KLF8: variants seen among roughly 807,000 people sequenced by gnomAD.
The protein encoded by KLF8 is Krueppel-like factor 8.
KLF8 carries 10 observed loss-of-function variants against 18.2 expected under a neutral mutation model. That is an observed-to-expected ratio of 0.55 (90% CI 0.34 to 0.93). The LOEUF is 0.93. Among genes scored for constraint, KLF8 ranks in the 40% least tolerant of loss-of-function variants. The pLI is 0.02. For missense variants in KLF8, 264 were observed against 277.9 expected (o/e 0.95, Z 0.36); for synonymous variants, 109 against 97.3 (o/e 1.12, Z -0.71).
the KLF8 span, among the ~76,000 whole-genome samples, chrX:56,050,446 C>T: frequency 2.7e-5 from 3 of 111,796 alleles, no homozygotes; most frequent in African/African-American, 6.5e-5. Context: ...TGAATGTGTC[C>T]CAGAGATTCT....
intron 5 of KLF8, among the ~76,000 whole-genome samples, chrX:56,278,338 G>A (rs930410313): frequency 3.6e-5 from 4 of 110,705 alleles, no homozygotes; most frequent in Non-Finnish European, 7.6e-5. Flanking sequence ...TGGTTATTCG[G>A]GGACCAAGGG....
chrX:56,080,866 C>T, the KLF8 span, among the ~76,000 whole-genome samples: 8 of 110,610 alleles, frequency 7.2e-5, no homozygotes, highest in Non-Finnish European at 1.5e-4. Context: ...TCTTTTTTCT[C>T]TAAACTTCCC....
At chrX:56,201,351 A>G in the KLF8 span, among the ~76,000 whole-genome samples, 1 of 112,087 alleles carries the variant, frequency 8.9e-6, no homozygotes, top group Non-Finnish European at 1.9e-5. Context: ...TGTTAAATAA[A>G]CCAGGCAAAG....
chrX:56,033,633 C>T, the KLF8 span, among the ~76,000 whole-genome samples: 1 of 111,699 alleles, frequency 9.0e-6, no homozygotes, highest in Non-Finnish European at 1.9e-5. Context: ...ATTCACATTC[C>T]CACCAACAGT....
chrX:56,155,427 G>T, the KLF8 span, among the ~76,000 whole-genome samples: 1 of 110,487 alleles, frequency 9.1e-6, no homozygotes, highest in Non-Finnish European at 1.9e-5. Flanking sequence ...GACACAGGAA[G>T]GGGGACATCA....
the KLF8 span, among the ~76,000 whole-genome samples, chrX:55,999,285 A>AT: frequency 1.8e-3 from 61 of 33,566 alleles, 4 homozygotes; most frequent in East Asian, 0.017. Flanking sequence ...ATGCCTCCAG[A>AT]TTTTTTTTTT....
chrX:56,276,164 C>G (rs772396974), intron 5 of KLF8, among the ~76,000 whole-genome samples: 2 of 107,612 alleles, frequency 1.9e-5, no homozygotes, highest in Non-Finnish European at 3.9e-5. Context: ...CCCCCGAAAC[C>G]AAGTCTCACT....
the KLF8 span, among the ~76,000 whole-genome samples, chrX:56,097,900 C>T: frequency 9.2e-6 from 1 of 109,154 alleles, no homozygotes; most frequent in Non-Finnish European, 1.9e-5. Context: ...TTGCTCTTAC[C>T]ACTCCTATTC....
the KLF8 span, among the ~76,000 whole-genome samples, chrX:56,086,312 G>A: frequency 9.0e-6 from 1 of 111,343 alleles, no homozygotes; most frequent in African/African-American, 3.3e-5. Context: ...TTCCAATCTG[G>A]CCTTAGTGAC....
the KLF8 span, among the ~76,000 whole-genome samples, chrX:55,946,805 C>A: frequency 3.6e-5 from 4 of 110,963 alleles, no homozygotes; most frequent in African/African-American, 1.3e-4. Context: ...AAACAAACAA[C>A]CCCATCAAAA....
the KLF8 span, among the ~76,000 whole-genome samples, chrX:55,956,455 G>T: frequency 5.4e-5 from 6 of 111,123 alleles, no homozygotes; most frequent in East Asian, 2.8e-4. Flanking sequence ...CATTATTTTT[G>T]ATTTTGGGCA....
chrX:56,196,913 A>C, the KLF8 span, among the ~76,000 whole-genome samples: 1 of 112,107 alleles, frequency 8.9e-6, no homozygotes, highest in Middle Eastern at 4.2e-3. Context: ...GCACAGTGCA[A>C]TCAAATTAGA....
chrX:56,183,777 G>A, the KLF8 span, among the ~76,000 whole-genome samples: 4 of 111,955 alleles, frequency 3.6e-5, no homozygotes, highest in African/African-American at 6.5e-5. Context: ...TGACAAAATG[G>A]CAAGGCTAAC....
the KLF8 span, among the ~76,000 whole-genome samples, chrX:56,106,566 T>A: frequency 8.9e-6 from 1 of 112,256 alleles, no homozygotes; most frequent in Non-Finnish European, 1.9e-5. Flanking sequence ...CTCCATCAGG[T>A]CACTTAAGTT....
the KLF8 span, among the ~76,000 whole-genome samples, chrX:56,077,490 C>T: frequency 9.0e-6 from 1 of 111,632 alleles, no homozygotes; most frequent in South Asian, 3.8e-4. Flanking sequence ...TATTCTGTTC[C>T]ATTGATCTAT....
chrX:55,961,790 CA>C, the KLF8 span: 1 of 301,317 alleles, frequency 3.3e-6, no homozygotes, highest in East Asian at 7.8e-5. Flanking sequence ...GAGGACATTT[CA>C]AAAATACCAG....
chrX:56,249,082 G>A (rs2066667480), intron 1 of KLF8, among the ~76,000 whole-genome samples: 1 of 112,106 alleles, frequency 8.9e-6, no homozygotes, highest in South Asian at 3.7e-4. Context: ...TCTTAATTCT[G>A]GCTTCTACTA....
chrX:56,280,198 T>A (rs2067181979), intron 5 of KLF8, among the ~76,000 whole-genome samples: 1 of 112,083 alleles, frequency 8.9e-6, no homozygotes, highest in African/African-American at 3.2e-5. Flanking sequence ...CATCACCCAT[T>A]TTCCCAGGCT....
intron 2 of KLF8, among the ~76,000 whole-genome samples, chrX:56,259,681 CTCT>C (rs1350353878): frequency 9.0e-6 from 1 of 111,238 alleles, no homozygotes; most frequent in African/African-American, 3.3e-5. Context: ...ATGTAAATAT[CTCT>C]TGTCTCCCCA....
Sources: gnomAD v4.1 joint callset for allele counts (sites outside exome capture counted in the v4.1 genomes callset) on GRCh38, gnomAD v4.1.1 for gene constraint, MANE v1.5 for transcripts, NCBI Gene and HGNC (gene_info 2026-07-23, HGNC 2026-07-21) for gene names.